UNC79: variants seen among roughly 807,000 people sequenced by gnomAD.
UNC79 encodes the protein unc-79 subunit of NALCN channel complex.
UNC79 carries 37 observed loss-of-function variants against 283.1 expected under a neutral mutation model. That is an observed-to-expected ratio of 0.13 (90% CI 0.10 to 0.17). UNC79 has a LOEUF of 0.17. UNC79 is among the 10% of genes least tolerant of loss of function. UNC79 has a pLI of 1.00. For synonymous variants in UNC79, 1,107 were observed against 1,200.2 expected, an observed-to-expected ratio of 0.92 and a Z score of 1.61; for missense variants, 2,272 against 3,211.1, an observed-to-expected ratio of 0.71 and a Z score of 7.07.
chr14:93,409,508 T>C (rs187445812), intron 1 of UNC79, among the ~76,000 whole-genome samples: 90 of 152,142 alleles, frequency 5.9e-4, no homozygotes, highest in Middle Eastern at 3.4e-3. Flanking sequence ...CTGGACAACA[T>C]AGTGAGACCT....
chr14:93,689,132 G>A, intron 44 of UNC79: 2 of 416,850 alleles, frequency 4.8e-6, no homozygotes, highest in Non-Finnish European at 4.2e-6. Context: ...ATTTCAACTA[G>A]TTAAGTAAAT....
intron 1 of UNC79, among the ~76,000 whole-genome samples, chr14:93,463,051 G>A (rs1828120168): frequency 6.6e-6 from 1 of 152,112 alleles, no homozygotes; most frequent in African/African-American, 2.4e-5. Context: ...GTCTAGGACT[G>A]AGCCCTGATG....
intron 32 of UNC79, among the ~76,000 whole-genome samples, chr14:93,638,988 C>T (rs922291414): frequency 6.6e-6 from 1 of 152,202 alleles, no homozygotes; most frequent in Non-Finnish European, 1.5e-5. Flanking sequence ...AATATTGCAT[C>T]ATACATTCCG....
chr14:93,521,695 C>G (rs924275913), intron 7 of UNC79, among the ~76,000 whole-genome samples: 3 of 150,802 alleles, frequency 2.0e-5, no homozygotes, highest in African/African-American at 7.3e-5. Context: ...GGTGGGAAGG[C>G]AAGTCTAATA....
At chr14:93,434,180 T>A (rs1232497334) in intron 1 of UNC79, among the ~76,000 whole-genome samples, 1 of 150,366 alleles carries the variant, frequency 6.7e-6, no homozygotes, top group African/African-American at 2.5e-5. Flanking sequence ...GCCATTGCAC[T>A]CCAGCCTGGG....
At chr14:93,679,452 C>G (rs1183640800) in intron 41 of UNC79, among the ~76,000 whole-genome samples, 1 of 116,052 alleles carries the variant, frequency 8.6e-6, no homozygotes, top group Non-Finnish European at 2.2e-5. Context: ...AGCGAGATTC[C>G]ATCTCAAAAA....
chr14:93,628,281 C>T lies in UNC79; in HGVS notation c.5609-2520C>T, dbSNP rs115089618. ...CAATGCTACCTAGCCACAGTGACCC[C>T]TTGTCAGGTCTTGAACACCCGCCTT... On this transcript the variant is annotated intron_variant, in intron 30 of 48. Coordinates refer to ENST00000555664, the Ensembl canonical transcript of UNC79. Among the ~76,000 whole-genome samples the T allele has an allele frequency of 4.2e-3, 642 of 152,342 alleles. 9 individuals are homozygous for T. Among genetic ancestry groups the T allele is most frequent in the African/African-American group, 0.015 (624 of 41,574 alleles).
intron 1 of UNC79, among the ~76,000 whole-genome samples, chr14:93,375,500 T>A (rs1429542323): frequency 6.6e-6 from 1 of 152,220 alleles, no homozygotes; most frequent in East Asian, 1.9e-4. Context: ...TAGTCCATTC[T>A]CACATTGCTG....
chr14:93,472,385 G>T (rs1242374989), intron 2 of UNC79, among the ~76,000 whole-genome samples: 1 of 151,954 alleles, frequency 6.6e-6, no homozygotes, highest in Non-Finnish European at 1.5e-5. Flanking sequence ...GTGGTAACTG[G>T]AATATTGATA....
intron 13 of UNC79, among the ~76,000 whole-genome samples, chr14:93,541,846 A>G (rs546969285): frequency 5.3e-5 from 8 of 152,204 alleles, no homozygotes; most frequent in Non-Finnish European, 1.0e-4. Flanking sequence ...TCGACTAAAA[A>G]TACAAAATAT....
intron 41 of UNC79, among the ~76,000 whole-genome samples, chr14:93,677,325 G>T (rs2073426050): frequency 6.6e-6 from 1 of 152,180 alleles, no homozygotes; most frequent in Admixed American, 6.5e-5. Context: ...ATTTATAAAA[G>T]AAAGAGGTTT....
intron 33 of UNC79, 111 bp from the exon 37 acceptor site, chr14:93,643,446 C>T: frequency 6.6e-7 from 1 of 1,522,672 alleles, no homozygotes; most frequent in South Asian, 1.2e-5. Context: ...TCCTGATCTC[C>T]TTTTGGAGAC....
chr14:93,563,054 A>G (rs529266520), intron 14 of UNC79, among the ~76,000 whole-genome samples: 2 of 152,340 alleles, frequency 1.3e-5, no homozygotes, highest in East Asian at 3.9e-4. Flanking sequence ...CTTGTAACCT[A>G]CATGGAAGAG....
exon 15 of UNC79, chr14:93,571,913 A>G (rs1427731799): frequency 6.2e-7 from 1 of 1,613,982 alleles, no homozygotes; most frequent in Non-Finnish European, 8.5e-7. Context: ...TACTGGGATA[A>G]GTCCTGTAGC....
intron 20 of UNC79, among the ~76,000 whole-genome samples, chr14:93,585,042 T>C (rs1230468791): frequency 6.6e-6 from 1 of 152,214 alleles, no homozygotes; most frequent in Non-Finnish European, 1.5e-5. Context: ...TGTATTGTTA[T>C]ACAGTCCACT....
intron 48 of UNC79, among the ~76,000 whole-genome samples, chr14:93,706,396 G>A (rs777615130): frequency 1.5e-4 from 23 of 152,172 alleles, no homozygotes; most frequent in African/African-American, 2.4e-4. Context: ...GGTCCCTGTC[G>A]TAAACAGTTC....
intron 35 of UNC79, among the ~76,000 whole-genome samples, chr14:93,647,171 A>C (rs2069706418): frequency 6.6e-6 from 1 of 152,236 alleles, no homozygotes; most frequent in South Asian, 2.1e-4. Context: ...AGAGAGACTT[A>C]TATAACAGTA....
intron 2 of UNC79, among the ~76,000 whole-genome samples, chr14:93,471,113 G>A (rs780610164): frequency 1.5e-4 from 23 of 152,284 alleles, no homozygotes; most frequent in Non-Finnish European, 3.2e-4. Context: ...GATTGTAGAT[G>A]CAGCATAATA....
At chr14:93,443,749 A>G (rs1166801076) in intron 1 of UNC79, among the ~76,000 whole-genome samples, 1 of 152,018 alleles carries the variant, frequency 6.6e-6, no homozygotes, top group Non-Finnish European at 1.5e-5. Flanking sequence ...TATTTATCAT[A>G]ATGTTTTGGA....
Sources: allele counts gnomAD v4.1 joint callset (sites outside exome capture counted in the v4.1 genomes callset), GRCh38; gene constraint gnomAD v4.1.1; transcripts MANE v1.5; gene names NCBI Gene and HGNC (gene_info 2026-07-23, HGNC 2026-07-21).